The following GUCY1A1 variants were observed in gnomAD, a reference collection of about 807,000 sequenced individuals.
The protein encoded by GUCY1A1 is guanylate cyclase soluble subunit alpha-1.
GUCY1A1 carries 48 observed loss-of-function variants against 64.5 expected under a neutral mutation model. The ratio of observed to expected loss-of-function variants is 0.74; its 90% confidence interval spans 0.59 to 0.95. The LOEUF is 0.95. Ranked by LOEUF, GUCY1A1 falls within the 40% of genes least tolerant of loss-of-function variation. The probability of loss-of-function intolerance (pLI) is 0.00; values close to 1 mark genes in which losing one functional copy is unlikely to be tolerated. For missense variants in GUCY1A1, 804 were observed against 825.3 expected (o/e 0.97, Z 0.32); for synonymous variants, 308 against 303.4 (o/e 1.02, Z -0.16).
rs552290410 is a variant in GUCY1A1, at chr4:155,679,492, TGA to T, written c.-113+12083_-113+12084del. 1.7e-3 allele frequency among the ~76,000 whole-genome samples: 264 copies of T among 152,158 alleles called. 4 individuals are homozygous for T. The South Asian group carries it at 0.018, about 10-fold the overall frequency. ...GGGAGCCAGCGTGTGCAGAGATTACTGAGAGAGAGAGGAAGCGAGGGAGAGAG... is the reference window on the plus strand; with the variant it reads ...GGGAGCCAGCGTGTGCAGAGATTACTGAGAGAGAGGAAGCGAGGGAGAGAG... On this transcript the variant is annotated intron_variant, in intron 2 of 9. Coordinates refer to ENST00000506455, the MANE Select transcript of GUCY1A1 (RefSeq NM_001130682.3).
chr4:155,673,820 A>C (rs1477617118), intron 2 of GUCY1A1, among the ~76,000 whole-genome samples: 2 of 150,970 alleles, frequency 1.3e-5, no homozygotes, highest in Non-Finnish European at 2.9e-5. Context: ...TGTAGATCTC[A>C]AACTAAGCTC....
At chr4:155,690,257 C>T (rs1178797800) in intron 2 of GUCY1A1, among the ~76,000 whole-genome samples, 1 of 152,022 alleles carries the variant, frequency 6.6e-6, no homozygotes, top group Non-Finnish European at 1.5e-5. Flanking sequence ...AGGAATGTGT[C>T]TTCCCTCTGC....
chr4:155,715,732 A>G (rs1232796594), intron 7 of GUCY1A1, among the ~76,000 whole-genome samples: 1 of 152,206 alleles, frequency 6.6e-6, no homozygotes, highest in African/African-American at 2.4e-5. Flanking sequence ...CATTGCTGAG[A>G]AAAAGCTTAT....
chr4:155,719,515 C>T (rs1476544508), intron 8 of GUCY1A1, among the ~76,000 whole-genome samples: 1 of 152,148 alleles, frequency 6.6e-6, no homozygotes, highest in East Asian at 1.9e-4. Flanking sequence ...AAAGCCCAGG[C>T]TTTTTCTGCT....
chr4:155,734,139 A>G lies in GUCY1A1; in HGVS notation c.*3908A>G, dbSNP rs1735832031. 6.6e-6 allele frequency among the ~76,000 whole-genome samples: 1 copy of G among 151,956 alleles called. No individual in the cohort carries two copies. Among genetic ancestry groups the G allele is most frequent in the Non-Finnish European group, 1.5e-5 (1 of 67,926 alleles). ...GTCTCAGGTTAGGTTAAAAGAAGGC[A>G]TAGGATGGAAGAGGGTGGTCTGTGG... is the stretch of plus-strand genomic sequence containing the variant. On this transcript the variant is annotated 3_prime_UTR_variant, in exon 10 of 10. Coordinates refer to ENST00000506455, the MANE Select transcript of GUCY1A1 (RefSeq NM_001130682.3).
chr4:155,724,767 A>T (rs545355338), intron 9 of GUCY1A1, among the ~76,000 whole-genome samples: 171 of 151,942 alleles, frequency 1.1e-3, no homozygotes, highest in African/African-American at 2.6e-3. Context: ...ACTATTTTTT[A>T]AAAAAAATCT....
At chr4:155,689,554 T>C (rs2126680242) in intron 2 of GUCY1A1, among the ~76,000 whole-genome samples, 1 of 152,306 alleles carries the variant, frequency 6.6e-6, no homozygotes. Flanking sequence ...GTAAATACTT[T>C]GATAAAAACT....
chr4:155,690,520 G>A (rs1330075981), intron 2 of GUCY1A1, among the ~76,000 whole-genome samples: 3 of 152,058 alleles, frequency 2.0e-5, no homozygotes, highest in African/African-American at 2.4e-5. Flanking sequence ...TGTTTAATGC[G>A]GTTTGTAGAA....
chr4:155,682,591 G>A (rs767697455), intron 2 of GUCY1A1, among the ~76,000 whole-genome samples: 1 of 152,002 alleles, frequency 6.6e-6, no homozygotes, highest in Non-Finnish European at 1.5e-5. Context: ...AGAATCGCTT[G>A]AAACCGGGAG....
chr4:155,668,692 G>A (rs1733707519), intron 2 of GUCY1A1, among the ~76,000 whole-genome samples: 2 of 152,070 alleles, frequency 1.3e-5, no homozygotes, highest in Non-Finnish European at 2.9e-5. Flanking sequence ...TTTTCTTTAA[G>A]AGTGATCATT....
At chr4:155,707,311 G>A (rs1011404736) in intron 4 of GUCY1A1, among the ~76,000 whole-genome samples, 40 of 152,180 alleles carry the variant, frequency 2.6e-4, no homozygotes, top group African/African-American at 8.2e-4. Flanking sequence ...AGTGGAAAAT[G>A]CATTTAACAC....
In GUCY1A1 at chr4:155,719,192, T is replaced by C. The variant is rs184557007; in HGVS notation, c.1716+1890T>C. 1.2e-3 allele frequency among the ~76,000 whole-genome samples: 187 copies of C among 152,272 alleles called. 1 individual carries two copies. The highest frequency in any genetic ancestry group is 3.7e-4 in the Non-Finnish European group (25 of 68,026). On this transcript the variant is annotated intron_variant, in intron 8 of 9. Transcript: ENST00000506455. ...TATTTATAGCTAGTTTCAAAGATAG[T>C]TACCTGGGTAATGATAGATTAGTTT...
intron 2 of GUCY1A1, among the ~76,000 whole-genome samples, chr4:155,672,720 A>C (rs993281973): frequency 6.6e-6 from 1 of 152,154 alleles, no homozygotes; most frequent in African/African-American, 2.4e-5. Flanking sequence ...CAGCTCTCTA[A>C]ATTATAGCTG....
Position 155,731,215 on chromosome 4 carries a change from T to G in GUCY1A1, c.*984T>G, listed in dbSNP as rs1364488359. The stretch of plus-strand genomic sequence containing the variant: ...GACCCACTTCAGCAGACATCTTCTA[T>G]TGCCATGCTGAGCTGTTTAAAGTTT... On this transcript the variant is annotated 3_prime_UTR_variant, in exon 10 of 10. Coordinates refer to ENST00000506455, the MANE Select transcript of GUCY1A1 (RefSeq NM_001130682.3). 1.3e-5 allele frequency: 2 copies of G among 151,886 alleles called. No individual in the cohort carries two copies. The highest frequency in any genetic ancestry group is 1.3e-4 in the Admixed American group (2 of 15,196). 9.4% of individuals were successfully genotyped at this position (151,886 alleles called of 1,614,324 possible). A position where few individuals can be genotyped will look rare whatever the true frequency, so the allele number is the denominator to read the frequency against.
chr4:155,710,365 A>AGAAGCTAACCTAGGTAGATAATTTG (rs1229834501), intron 5 of GUCY1A1, among the ~76,000 whole-genome samples, 177 bp from the exon 6 acceptor site: 3 of 152,230 alleles, frequency 2.0e-5, no homozygotes, highest in African/African-American at 7.2e-5. Flanking sequence ...CTAGAATTTT[A>AGAAGCTAACCTAGGTAGATAATTTG]GAAGCTAACC....
At position 155,722,158 on chromosome 4, in the gene GUCY1A1, C is replaced by T. The variant is rs746406538; in HGVS notation, c.1837C>T (p.Pro613Ser). 2.5e-6 allele frequency: 4 copies of T among 1,612,522 alleles called. No homozygotes were observed. The South Asian group carries it at 3.3e-5, about 13-fold the overall frequency. ...TAACAAATTTGAGTCCTGCAGTGTA[C>T]CACGAAAAATCAATGTCAGCCCAAC... ...LANKFESCSV[P>S]RKINVSPTTY... The change falls in exon 9 of 10, where the codon CCA becomes TCA. Residue 613 changes from proline (P) to serine (S), a missense_variant. By Grantham distance (74) the Pro-to-Ser change is moderately conservative. Coordinates refer to ENST00000506455, the MANE Select transcript of GUCY1A1 (RefSeq NM_001130682.3).
intron 2 of GUCY1A1, among the ~76,000 whole-genome samples, chr4:155,684,563 C>T (rs1419921287): frequency 1.3e-5 from 2 of 152,196 alleles, no homozygotes; most frequent in Non-Finnish European, 2.9e-5. Context: ...GCCTGGTCCC[C>T]TGGGCCACCT....
intron 2 of GUCY1A1, among the ~76,000 whole-genome samples, chr4:155,692,043 G>A (rs1729813007): frequency 6.6e-6 from 1 of 152,150 alleles, no homozygotes; most frequent in African/African-American, 2.4e-5. Flanking sequence ...AGAACATGCG[G>A]TGTTTGGTTT....
At chr4:155,680,471 TG>T (rs1735574004) in intron 2 of GUCY1A1, among the ~76,000 whole-genome samples, 2 of 151,840 alleles carry the variant, frequency 1.3e-5, no homozygotes, top group Admixed American at 1.3e-4. Context: ...TGTGTGTGTG[TG>T]TGTGTGTGTG....
Sources: gnomAD v4.1 joint callset for allele counts (sites outside exome capture counted in the v4.1 genomes callset) on GRCh38, gnomAD v4.1.1 for gene constraint, MANE v1.5 for transcripts, NCBI Gene and HGNC (gene_info 2026-07-23, HGNC 2026-07-21) for gene names.